The following FYN variants were observed in gnomAD, a reference collection of about 807,000 sequenced individuals.
The protein encoded by FYN is FYN proto-oncogene, Src family tyrosine kinase, also known as tyrosine-protein kinase Fyn.
In FYN, 10 loss-of-function variants were observed where a neutral mutation model predicts 70.2. That is an observed-to-expected ratio of 0.14 (90% CI 0.09 to 0.24). The LOEUF is 0.24. Among genes scored for constraint, FYN ranks in the 10% least tolerant of loss-of-function variants. The pLI, the probability that FYN is intolerant of heterozygous loss-of-function variation, is 1.00. For missense variants in FYN, 319 were observed against 673.1 expected (o/e 0.47, Z 5.82); for synonymous variants, 236 against 248.6 (o/e 0.95, Z 0.48).
chr6:111,773,617 AGAGGGGGAAAGGAGAGGGG>A (rs1803580979), intron 3 of FYN, among the ~76,000 whole-genome samples: 1 of 47,446 alleles, frequency 2.1e-5, no homozygotes, highest in Non-Finnish European at 3.6e-5. Flanking sequence ...GGGGAGGGAG[AGAGGGGGAAAGGAGAGGGG>A]GAGGGGGAGG....
intron 2 of FYN, among the ~76,000 whole-genome samples, chr6:111,839,110 G>A (rs9387044): frequency 0.032 from 4,874 of 152,198 alleles, 118 homozygotes; most frequent in East Asian, 0.13. Context: ...CTGGCTCTAC[G>A]ACATGCCCAG....
intron 1 of FYN, among the ~76,000 whole-genome samples, chr6:111,859,176 C>G (rs190745405): frequency 2.0e-5 from 3 of 152,298 alleles, no homozygotes; most frequent in South Asian, 2.1e-4. Flanking sequence ...ACCTCCAATC[C>G]AAGCTCACGC....
Position 111,873,437 on chromosome 6 carries a change from C to G in FYN, c.-592G>C, listed in dbSNP as rs1239721083. Reference sequence around the variant, plus strand: ...CCACCAGCGCGGCTGCTCGCTGCTACTCTTGCTGATGCTCTGCCCCTCCAG... The same window carrying G: ...CCACCAGCGCGGCTGCTCGCTGCTAGTCTTGCTGATGCTCTGCCCCTCCAG... On this transcript the variant is annotated 5_prime_UTR_variant, in exon 1 of 14. Transcript: ENST00000354650. 1.3e-5 allele frequency: 2 copies of G among 151,996 alleles called. No individual in the cohort carries two copies. Among genetic ancestry groups the G allele is most frequent in the African/African-American group, 4.8e-5 (2 of 41,356 alleles). The allele number at this position is 151,996 out of a possible 1,614,324, so 9.4% of individuals were successfully genotyped here. A position where few individuals can be genotyped will look rare whatever the true frequency, so the allele number is the denominator to read the frequency against.
intron 2 of FYN, among the ~76,000 whole-genome samples, chr6:111,816,686 A>G (rs925662663): frequency 6.6e-6 from 1 of 152,248 alleles, no homozygotes; most frequent in African/African-American, 2.4e-5. Context: ...TCATGAGAAT[A>G]TGGAGTAACT....
rs189231826 is a variant in FYN at position 111,771,000 on chromosome 6, G to A, written c.-12+9566C>T. Among the ~76,000 whole-genome samples the A allele has an allele frequency of 2.3e-3, 354 of 152,230 alleles. 1 individual carries two copies. The highest frequency in any genetic ancestry group is 8.2e-3 in the African/African-American group (339 of 41,512). On this transcript the variant is annotated intron_variant, in intron 3 of 13. Coordinates refer to ENST00000354650, the MANE Select transcript of FYN (RefSeq NM_002037.5). ...CCTCTCTGTGCTTCAGGCGGTTAAAGTGTAAAATGAGAGGCAGGACCAAAT... is the reference window on the plus strand; with the variant it reads ...CCTCTCTGTGCTTCAGGCGGTTAAAATGTAAAATGAGAGGCAGGACCAAAT...
chr6:111,800,871 A>T (rs1771961417), intron 2 of FYN, among the ~76,000 whole-genome samples: 1 of 152,238 alleles, frequency 6.6e-6, no homozygotes. Flanking sequence ...TGGGGGCTGC[A>T]GCAGACAGAC....
intron 3 of FYN, among the ~76,000 whole-genome samples, chr6:111,755,591 TA>T (rs1802696337): frequency 6.6e-6 from 1 of 152,194 alleles, no homozygotes; most frequent in Non-Finnish European, 1.5e-5. Flanking sequence ...ATTCACGGAA[TA>T]TTTAAAAAGA....
At chr6:111,693,853 G>A (rs1799458115) in intron 12 of FYN, among the ~76,000 whole-genome samples, 1 of 152,072 alleles carries the variant, frequency 6.6e-6, no homozygotes, top group Non-Finnish European at 1.5e-5. Flanking sequence ...CATCCCTGAC[G>A]TCTCTCTTTA....
chr6:111,735,359 T>C (rs1801663034), intron 3 of FYN, among the ~76,000 whole-genome samples: 1 of 152,206 alleles, frequency 6.6e-6, no homozygotes, highest in South Asian at 2.1e-4. Context: ...GAGTCCATTC[T>C]ACTGAGCCCT....
At chr6:111,734,213 G>C (rs1434141582) in intron 3 of FYN, among the ~76,000 whole-genome samples, 1 of 152,174 alleles carries the variant, frequency 6.6e-6, no homozygotes, top group Admixed American at 6.5e-5. Flanking sequence ...GAACCACTGA[G>C]TCCACAGACA....
intron 12 of FYN, among the ~76,000 whole-genome samples, chr6:111,689,280 C>T (rs957428433): frequency 7.9e-5 from 12 of 152,194 alleles, no homozygotes; most frequent in Admixed American, 2.0e-4. Context: ...AATGTCCAAC[C>T]CCTGGTTCCT....
At chr6:111,725,005 CA>C (rs1281018145) in intron 3 of FYN, among the ~76,000 whole-genome samples, 1 of 152,064 alleles carries the variant, frequency 6.6e-6, no homozygotes, top group Non-Finnish European at 1.5e-5. Flanking sequence ...CGGAAAAAAG[CA>C]AAAACTGGAA....
At chr6:111,848,676 C>CT (rs1392022817) in intron 1 of FYN, among the ~76,000 whole-genome samples, 2 of 152,194 alleles carry the variant, frequency 1.3e-5, no homozygotes, top group African/African-American at 4.8e-5. Flanking sequence ...AGAGCGGCTC[C>CT]ACTGTTTCCA....
At position 111,801,587 on chromosome 6, in the gene FYN, C is replaced by T. The variant is rs141293483; in HGVS notation, c.-81-20952G>A. On this transcript the variant is annotated intron_variant, in intron 2 of 13. Coordinates refer to ENST00000354650, the MANE Select transcript of FYN (RefSeq NM_002037.5). ...AGCCACTTAGACACATCAGTGAATA[C>T]GTCGTTCACTCTCAATTCTCAGTAA... 1.2e-3 allele frequency among the ~76,000 whole-genome samples: 182 copies of T among 152,298 alleles called. 4 individuals are homozygous for T. Among genetic ancestry groups the T allele is most frequent in the Admixed American group, 7.8e-4 (12 of 15,304 alleles).
At chr6:111,826,335 C>T (rs536875850) in intron 2 of FYN, among the ~76,000 whole-genome samples, 7 of 152,164 alleles carry the variant, frequency 4.6e-5, no homozygotes, top group African/African-American at 1.2e-4. Flanking sequence ...TTAAGAAGTA[C>T]GCGTGTGTGC....
chr6:111,823,767 A>C (rs1772748223), intron 2 of FYN, among the ~76,000 whole-genome samples: 1 of 152,148 alleles, frequency 6.6e-6, no homozygotes, highest in Non-Finnish European at 1.5e-5. Context: ...CTGGGTGGGA[A>C]GCCCAAATTA....
At chr6:111,745,918 T>C (rs1343345858) in intron 3 of FYN, among the ~76,000 whole-genome samples, 2 of 152,238 alleles carry the variant, frequency 1.3e-5, no homozygotes, top group Non-Finnish European at 2.9e-5. Context: ...ACAACATTGA[T>C]TTCCCATGTA....
intron 12 of FYN, among the ~76,000 whole-genome samples, chr6:111,680,289 T>G (rs533135483): frequency 8.5e-5 from 13 of 152,304 alleles, no homozygotes; most frequent in Admixed American, 6.5e-4. Flanking sequence ...GGGAACACAG[T>G]CTCTGGCAGT....
At chr6:111,801,079 A>G (rs890869113) in intron 2 of FYN, among the ~76,000 whole-genome samples, 2 of 152,222 alleles carry the variant, frequency 1.3e-5, no homozygotes, top group African/African-American at 4.8e-5. Context: ...GATTAGATGC[A>G]CAGTGGGAGA....
Sources: allele counts gnomAD v4.1 joint callset (sites outside exome capture counted in the v4.1 genomes callset), GRCh38; gene constraint gnomAD v4.1.1; transcripts MANE v1.5; gene names NCBI Gene and HGNC (gene_info 2026-07-23, HGNC 2026-07-21).